FREM2: variants seen among roughly 807,000 people sequenced by gnomAD.
The protein encoded by FREM2 is FRAS1-related extracellular matrix protein 2.
Under a neutral mutation model 219.9 loss-of-function variants are expected in FREM2, and 119 were observed. That is an observed-to-expected ratio of 0.54 (90% CI 0.47 to 0.63). The LOEUF (loss-of-function observed/expected upper bound fraction) is 0.63, where lower values mean the gene tolerates loss of function less well. Ranked by LOEUF, FREM2 falls within the 30% of genes least tolerant of loss-of-function variation. FREM2 has a pLI of 0.00. For synonymous variants in FREM2, 1,562 were observed against 1,522.8 expected, an observed-to-expected ratio of 1.03 and a Z score of -0.60; for missense variants, 4,030 against 3,993.6, an observed-to-expected ratio of 1.01 and a Z score of -0.25.
At chr13:38,816,299 G>A (rs1241495382) in intron 6 of FREM2, among the ~76,000 whole-genome samples, 1 of 152,142 alleles carries the variant, frequency 6.6e-6, no homozygotes, top group African/African-American at 2.4e-5. Flanking sequence ...CTACAGGTTA[G>A]GATCTCCAGT....
intron 2 of FREM2, among the ~76,000 whole-genome samples, chr13:38,703,436 G>A (rs1870418177): frequency 6.6e-6 from 1 of 152,136 alleles, no homozygotes; most frequent in African/African-American, 2.4e-5. Context: ...TTTTTAATCT[G>A]TGAGAGACCA....
At chr13:38,856,998 C>A (rs1433204423) in intron 12 of FREM2, among the ~76,000 whole-genome samples, 1 of 151,890 alleles carries the variant, frequency 6.6e-6, no homozygotes, top group Non-Finnish European at 1.5e-5. Context: ...GTAATCTTTA[C>A]TGCTTGATGG....
In FREM2 at chr13:38,810,757, G is replaced by C. The variant is rs1875444932; in HGVS notation, c.6019+25949G>C. Among the ~76,000 whole-genome samples the C allele has an allele frequency of 1.3e-5, 2 of 151,936 alleles. 1 individual carries two copies. Among genetic ancestry groups the C allele is most frequent in the South Asian group, 4.2e-4 (2 of 4,816 alleles). On this transcript the variant is annotated intron_variant, in intron 6 of 23. Transcript: ENST00000280481. Reference sequence around the variant, plus strand: ...AGGATTTTTACATCAATATTCATCAGAGATATTAGCCCATAGTTTTCTTTT... The same window carrying C: ...AGGATTTTTACATCAATATTCATCACAGATATTAGCCCATAGTTTTCTTTT...
intron 3 of FREM2, among the ~76,000 whole-genome samples, chr13:38,766,065 G>A (rs932723443): frequency 1.3e-5 from 2 of 152,166 alleles, no homozygotes; most frequent in Admixed American, 1.3e-4. Flanking sequence ...GCACCTTACC[G>A]ATTATTAAAA....
intron 16 of FREM2, among the ~76,000 whole-genome samples, chr13:38,869,895 T>C (rs1878101613): frequency 6.6e-6 from 1 of 152,226 alleles, no homozygotes; most frequent in African/African-American, 2.4e-5. Context: ...GATCTTTTAT[T>C]GTCCTGGCTA....
intron 6 of FREM2, among the ~76,000 whole-genome samples, chr13:38,800,552 CTGTT>C (rs1382907996): frequency 6.6e-6 from 1 of 152,130 alleles, no homozygotes; most frequent in Non-Finnish European, 1.5e-5. Context: ...TGAGTTACAT[CTGTT>C]TGGGGATATA....
At chr13:38,793,008 A>G (rs1874625416) in intron 6 of FREM2, among the ~76,000 whole-genome samples, 1 of 152,250 alleles carries the variant, frequency 6.6e-6, no homozygotes, top group Non-Finnish European at 1.5e-5. Context: ...GCCACTTGAA[A>G]GATTTCCTAG....
intron 4 of FREM2, among the ~76,000 whole-genome samples, chr13:38,779,197 G>T (rs1243217660): frequency 1.3e-5 from 2 of 151,790 alleles, no homozygotes; most frequent in African/African-American, 4.8e-5. Flanking sequence ...GGGACACAGG[G>T]AGGGGAACAA....
intron 2 of FREM2, among the ~76,000 whole-genome samples, chr13:38,718,029 T>C (rs903500283): frequency 6.6e-6 from 1 of 152,198 alleles, no homozygotes; most frequent in African/African-American, 2.4e-5. Context: ...GAATCACAAT[T>C]AGCAATTAGC....
intron 17 of FREM2, 91 bp downstream of exon 17, chr13:38,873,025 C>T: frequency 1.0e-6 from 1 of 969,720 alleles, no homozygotes; most frequent in African/African-American, 1.6e-5. Flanking sequence ...AAAAGTAGTA[C>T]TAGCAAATTT....
rs1055473789 is a variant in FREM2 at position 38,687,728 on chromosome 13, G to C, written c.384G>C (p.Pro128=). The part of the protein sequence containing the change: ...RPGRLSPKRF[P]CDFGPGEVRY... ...GCCGCCTGAGTCCCAAGCGCTTCCC[G>C]TGCGACTTTGGCCCTGGCGAGGTGC... Residue 128 remains proline (P), a synonymous_variant, in exon 1 of 24, where the codon CCG becomes CCC. Transcript: ENST00000280481. 1 of 1,549,084 alleles carries C rather than the reference G, an allele frequency of 6.5e-7. No individual in the cohort carries two copies. The highest frequency in any genetic ancestry group is 1.4e-5 in the African/African-American group (1 of 73,358).
intron 6 of FREM2, among the ~76,000 whole-genome samples, chr13:38,822,598 G>T (rs1421877128): frequency 3.9e-5 from 6 of 151,906 alleles, no homozygotes; most frequent in Non-Finnish European, 7.4e-5. Flanking sequence ...TAAATAGGGG[G>T]TTGAAAACAG....
intron 6 of FREM2, among the ~76,000 whole-genome samples, chr13:38,830,592 G>A (rs561508818): frequency 7.2e-5 from 11 of 152,288 alleles, no homozygotes; most frequent in African/African-American, 2.4e-4. Flanking sequence ...GTAGTTCTTA[G>A]CATGTATTGC....
At chr13:38,740,712 T>C (rs1485748866) in intron 2 of FREM2, among the ~76,000 whole-genome samples, 1 of 152,218 alleles carries the variant, frequency 6.6e-6, no homozygotes, top group East Asian at 1.9e-4. Flanking sequence ...AAAATTTTAA[T>C]TGCAAATAGA....
intron 6 of FREM2, among the ~76,000 whole-genome samples, chr13:38,824,553 T>C (rs1876197225): frequency 6.6e-6 from 1 of 152,014 alleles, no homozygotes; most frequent in Non-Finnish European, 1.5e-5. Context: ...AAAGGTATTT[T>C]GAGGGAAACA....
chr13:38,734,325 G>A lies in FREM2; in HGVS notation c.5264-29979G>A, dbSNP rs560638860. ...ATTTTGAGCCTGGCTGGAGGCATAG[G>A]ACAATATGAGAAAAGAAAAGACCCA... On this transcript the variant is annotated intron_variant, in intron 2 of 23. Coordinates refer to ENST00000280481, the MANE Select transcript of FREM2 (RefSeq NM_207361.6). 1.1e-4 allele frequency among the ~76,000 whole-genome samples: 16 copies of A among 152,268 alleles called. No individual in the cohort carries two copies. In the South Asian group the frequency reaches 3.3e-3, roughly 32 times the overall value.
In FREM2 at chr13:38,872,908, G is replaced by T. The variant is rs988913929; in HGVS notation, c.8150G>T (p.Gly2717Val). 2 of 1,613,782 alleles carry T rather than the reference G, an allele frequency of 1.2e-6. No homozygotes were observed. The highest frequency in any genetic ancestry group is 1.3e-5 in the African/African-American group (1 of 74,896). The change falls in exon 17 of 24, where the codon GGC (glycine) becomes GTC (valine). Residue 2717 changes from glycine to valine, a missense_variant. By Grantham distance (109) the Gly-to-Val change is moderately radical (BLOSUM62 -3). Around this residue, in one of 2 missense-constraint regions of FREM2, gnomAD observed 928 missense variants for 1,042.9 expected, o/e 0.89. Coordinates refer to ENST00000280481, the MANE Select transcript of FREM2 (RefSeq NM_207361.6). Reference sequence around the variant, plus strand: ...GCCATCTTGTGGAATGATGGAATTGGCAGCCCCCCAGAGGCTGAACTTCAA... The same window carrying T: ...GCCATCTTGTGGAATGATGGAATTGTCAGCCCCCCAGAGGCTGAACTTCAA... ...DTAILWNDGIGSPPEAELQGS... is the reference protein window; with the variant it reads ...DTAILWNDGIVSPPEAELQGS...
At chr13:38,869,799 A>T (rs77902214) in intron 16 of FREM2, among the ~76,000 whole-genome samples, 3,022 of 152,290 alleles carry the variant, frequency 0.02, 101 homozygotes, top group African/African-American at 0.068. Flanking sequence ...ATTAAAGTTA[A>T]ATTAAGTTCT....
intron 6 of FREM2, among the ~76,000 whole-genome samples, chr13:38,820,074 A>G (rs1182257163): frequency 6.6e-6 from 1 of 152,152 alleles, no homozygotes; most frequent in Non-Finnish European, 1.5e-5. Context: ...CTTGTAAATG[A>G]ACTATTCTTG....
Sources: gnomAD v4.1 joint callset for allele counts (sites outside exome capture counted in the v4.1 genomes callset) on GRCh38, gnomAD v4.1.1 for gene constraint, gnomAD v4.1.1 regional missense constraint, MANE v1.5 for transcripts, NCBI Gene and HGNC (gene_info 2026-07-23, HGNC 2026-07-21) for gene names.